The following RUNX1 variants were observed in gnomAD, a reference collection of about 807,000 sequenced individuals.
RUNX1 encodes the protein RUNX family transcription factor 1.
Under a neutral mutation model 42.8 loss-of-function variants are expected in RUNX1, and 19 were observed. The observed-to-expected ratio is 0.44, with a 90% CI of 0.31 to 0.65. RUNX1 has a LOEUF of 0.65. Among genes scored for constraint, RUNX1 ranks in the 30% least tolerant of loss-of-function variants. The probability of loss-of-function intolerance (pLI) is 0.07; values close to 1 mark genes in which losing one functional copy is unlikely to be tolerated. For synonymous variants in RUNX1, 271 were observed against 289.4 expected, an observed-to-expected ratio of 0.94 and a Z score of 0.64; for missense variants, 528 against 672.0, an observed-to-expected ratio of 0.79 and a Z score of 2.37.
chr21:34,845,491 G>T (rs1289976188), intron 6 of RUNX1, among the ~76,000 whole-genome samples: 1 of 152,200 alleles, frequency 6.6e-6, no homozygotes, highest in Non-Finnish European at 1.5e-5. Flanking sequence ...CAGCCTCCCA[G>T]CTCCTCTGTG....
chr21:34,843,422 C>A lies in RUNX1; in HGVS notation c.614-8821G>T, dbSNP rs1056862770. On this transcript the variant is annotated intron_variant, in intron 6 of 8. Coordinates refer to ENST00000675419, the MANE Select transcript of RUNX1 (RefSeq NM_001754.5). The surrounding 1 kb of genome is among the most constrained non-coding windows in gnomAD (Gnocchi z 4.8). The stretch of plus-strand genomic sequence containing the variant: ...ATGCATATACACACAGGCAGATATA[C>A]AGACATGGGGACACATATATACAAA... 6.6e-6 allele frequency among the ~76,000 whole-genome samples: 1 copy of A among 152,052 alleles called. No homozygotes were observed. The highest frequency in any genetic ancestry group is 1.5e-5 in the Non-Finnish European group (1 of 68,020).
At chr21:34,856,623 T>C (rs2057498411) in intron 6 of RUNX1, among the ~76,000 whole-genome samples, 1 of 152,226 alleles carries the variant, frequency 6.6e-6, no homozygotes, top group South Asian at 2.1e-4. Flanking sequence ...CGTTTCATTT[T>C]TCTGGGGCTA....
intron 2 of RUNX1, among the ~76,000 whole-genome samples, chr21:34,916,037 T>G (rs189542509): frequency 9.9e-5 from 15 of 152,262 alleles, no homozygotes; most frequent in East Asian, 1.9e-4. Flanking sequence ...TTTGTGTGTG[T>G]GGGGAAGGGG....
chr21:34,984,860 G>A (rs930471087), intron 2 of RUNX1, among the ~76,000 whole-genome samples: 5 of 152,174 alleles, frequency 3.3e-5, no homozygotes, highest in Admixed American at 1.3e-4. Flanking sequence ...GAAGTGATCA[G>A]GTACTTTCCA....
At chr21:34,969,724 G>A (rs767195013) in intron 2 of RUNX1, among the ~76,000 whole-genome samples, 5 of 151,070 alleles carry the variant, frequency 3.3e-5, no homozygotes, top group Admixed American at 6.6e-5. Flanking sequence ...GACTGCACTC[G>A]TGGGTGATGT....
At chr21:34,868,078 T>A (rs1298406806) in intron 5 of RUNX1, among the ~76,000 whole-genome samples, 1 of 152,176 alleles carries the variant, frequency 6.6e-6, no homozygotes, top group Non-Finnish European at 1.5e-5. Flanking sequence ...CAGCTCCTGC[T>A]CACCAGCCTT....
intron 7 of RUNX1, among the ~76,000 whole-genome samples, chr21:34,815,244 C>T (rs1420857875): frequency 6.6e-6 from 1 of 152,014 alleles, no homozygotes; most frequent in Non-Finnish European, 1.5e-5. Flanking sequence ...CTGACCCAGA[C>T]TTTTTTTTGT....
At chr21:34,895,813 G>A (rs536496859) in intron 2 of RUNX1, among the ~76,000 whole-genome samples, 12 of 152,156 alleles carry the variant, frequency 7.9e-5, no homozygotes, top group African/African-American at 2.9e-4. Flanking sequence ...TCAACATGCG[G>A]GAAAATTGAT....
At position 34,792,753 on chromosome 21, in the gene RUNX1, C is replaced by T. The variant is rs1326010086; in HGVS notation, c.968-143G>A. 8.8e-6 allele frequency: 7 copies of T among 794,542 alleles called. No homozygotes were observed. Among genetic ancestry groups the T allele is most frequent in the Non-Finnish European group, 1.2e-5 (6 of 514,454 alleles). 49.2% of individuals were successfully genotyped at this position (794,542 alleles called of 1,614,324 possible). ...CCCAGGATGCTACTGCTGGGGAGGA[C>T]GGGGACCACCCGGGATGCTACTCCC... On this transcript the variant is annotated intron_variant, in intron 8 of 8. Coordinates refer to ENST00000675419, the MANE Select transcript of RUNX1 (RefSeq NM_001754.5). The surrounding 1 kb of genome is among the most constrained non-coding windows in gnomAD (Gnocchi z 6.9).
At chr21:34,869,778 C>T (rs2057712643) in intron 5 of RUNX1, among the ~76,000 whole-genome samples, 1 of 152,154 alleles carries the variant, frequency 6.6e-6, no homozygotes, top group South Asian at 2.1e-4. Flanking sequence ...GTGGAGGCAG[C>T]AATGATCACT....
chr21:34,973,156 G>T (rs2058775070), intron 2 of RUNX1, among the ~76,000 whole-genome samples: 1 of 152,118 alleles, frequency 6.6e-6, no homozygotes, highest in Non-Finnish European at 1.5e-5. Flanking sequence ...TTTCAGTCCT[G>T]CATGCTTATA....
At chr21:35,005,656 G>C (rs1004997845) in intron 2 of RUNX1, among the ~76,000 whole-genome samples, 2 of 152,122 alleles carry the variant, frequency 1.3e-5, no homozygotes, top group African/African-American at 4.8e-5. Flanking sequence ...GACTCTGCTG[G>C]ACCGACCCTG....
intron 2 of RUNX1, among the ~76,000 whole-genome samples, chr21:34,956,054 C>T (rs904735581): frequency 3.3e-5 from 5 of 152,074 alleles, no homozygotes; most frequent in African/African-American, 1.2e-4. Flanking sequence ...TGTAGTAAAT[C>T]CTGCCTGTTT....
At chr21:34,862,662 T>C (rs1469419569) in intron 5 of RUNX1, among the ~76,000 whole-genome samples, 1 of 152,052 alleles carries the variant, frequency 6.6e-6, no homozygotes, top group African/African-American at 2.4e-5. Flanking sequence ...CTACTGGGTG[T>C]CCCCTCCCTC....
intron 3 of RUNX1, among the ~76,000 whole-genome samples, chr21:34,890,507 G>A (rs941092049): frequency 3.9e-5 from 6 of 152,058 alleles, no homozygotes; most frequent in African/African-American, 1.4e-4. Context: ...CCTGGGGCTT[G>A]ACTCGGGCCG....
At chr21:34,857,011 AG>A (rs1008880637) in intron 6 of RUNX1, among the ~76,000 whole-genome samples, 2 of 152,232 alleles carry the variant, frequency 1.3e-5, no homozygotes, top group African/African-American at 4.8e-5. Flanking sequence ...CTTGCTTCAC[AG>A]GGCAAATAGA....
At chr21:34,956,672 G>A (rs529620472) in intron 2 of RUNX1, among the ~76,000 whole-genome samples, 10 of 152,278 alleles carry the variant, frequency 6.6e-5, no homozygotes, top group Admixed American at 1.3e-4. Context: ...TGGGTGACTA[G>A]CTCACTCATG....
intron 2 of RUNX1, among the ~76,000 whole-genome samples, chr21:35,006,235 C>T (rs2059083509): frequency 6.6e-6 from 1 of 152,178 alleles, no homozygotes; most frequent in South Asian, 2.1e-4. Context: ...GAGGCACCCA[C>T]ACGTGGAAGA....
intron 2 of RUNX1, among the ~76,000 whole-genome samples, chr21:35,013,777 C>G (rs972115686): frequency 6.6e-6 from 1 of 152,126 alleles, no homozygotes; most frequent in African/African-American, 2.4e-5. Context: ...AGATTATGTT[C>G]AGAGATGTTC....
Sources: allele counts gnomAD v4.1 joint callset (sites outside exome capture counted in the v4.1 genomes callset), GRCh38; gene constraint gnomAD v4.1.1; non-coding constraint Gnocchi (gnomAD v3.1); transcripts MANE v1.5; gene names NCBI Gene and HGNC (gene_info 2026-07-23, HGNC 2026-07-21).